EPHB2: variants seen among roughly 807,000 people sequenced by gnomAD.
EPHB2 encodes the protein ephrin type-B receptor 2.
A neutral mutation model predicts 96.4 loss-of-function variants in EPHB2; 18 were observed. The observed-to-expected ratio is 0.19, with a 90% CI of 0.13 to 0.28. EPHB2 has a LOEUF of 0.28. Among genes scored for constraint, EPHB2 ranks in the 10% least tolerant of loss-of-function variants. The pLI is 1.00. For missense variants in EPHB2, 989 were observed against 1,355.4 expected (o/e 0.73, Z 4.25); for synonymous variants, 506 against 534.1 (o/e 0.95, Z 0.72).
Position 22,732,305 on chromosome 1 carries a change from G to A in EPHB2, c.61+21262G>A, listed in dbSNP as rs190023720. On this transcript the variant is annotated intron_variant, in intron 1 of 15. Coordinates refer to ENST00000374630, the MANE Select transcript of EPHB2 (RefSeq NM_017449.5). ...AGGAGTGGGAGCCAAGAGCTGCGGG[G>A]GCCTGGGAAAGGTGAGGGGGCCAGA... Among the ~76,000 whole-genome samples, 900 of 151,940 alleles carry A rather than the reference G, an allele frequency of 5.9e-3. 3 individuals are homozygous for A. The highest frequency in any genetic ancestry group is 0.014 in the Middle Eastern group (4 of 294).
rs1311385343 is a variant in EPHB2, at chr1:22,917,567, A to G, written c.*3997A>G. On this transcript the variant is annotated 3_prime_UTR_variant, in exon 16 of 16. Transcript: ENST00000374630. ...CACTTCCCCTCACTGAGCCATCTGT[A>G]AAATGAGAGCATTGGACTGGGTGAG... The G allele has an allele frequency of 6.6e-6, 1 of 152,270 alleles. No individual in the cohort carries two copies. The highest frequency in any genetic ancestry group is 2.4e-5 in the African/African-American group (1 of 41,458). The allele number at this position is 152,270 out of a possible 1,614,324, so 9.4% of individuals were successfully genotyped here. A position where few individuals can be genotyped will look rare whatever the true frequency, so the allele number is the denominator to read the frequency against.
chr1:22,909,583 G>A (rs1427901127), intron 13 of EPHB2, among the ~76,000 whole-genome samples: 2 of 152,214 alleles, frequency 1.3e-5, no homozygotes, highest in Admixed American at 6.5e-5. Flanking sequence ...GGCACCGGCA[G>A]CATGGGCAAG....
At chr1:22,752,024 G>T (rs765641158) in intron 1 of EPHB2, among the ~76,000 whole-genome samples, 1 of 152,190 alleles carries the variant, frequency 6.6e-6, no homozygotes, top group Non-Finnish European at 1.5e-5. Context: ...CACTAGTTCC[G>T]TGTGGCCTTG....
intron 1 of EPHB2, among the ~76,000 whole-genome samples, chr1:22,731,580 C>T (rs1643713709): frequency 6.6e-6 from 1 of 152,192 alleles, no homozygotes; most frequent in Non-Finnish European, 1.5e-5. Context: ...TGGCTCATGC[C>T]TGTAATCCCA....
intron 6 of EPHB2, among the ~76,000 whole-genome samples, chr1:22,889,597 A>G (rs933172872): frequency 6.6e-6 from 1 of 152,212 alleles, no homozygotes; most frequent in African/African-American, 2.4e-5. Context: ...GGACAGGTAT[A>G]TTAGGACAAT....
intron 6 of EPHB2, among the ~76,000 whole-genome samples, chr1:22,886,028 C>T (rs999819422): frequency 1.3e-5 from 2 of 152,092 alleles, no homozygotes; most frequent in Non-Finnish European, 2.9e-5. Context: ...CTTCACAGTC[C>T]AGGGAGAAAG....
At chr1:22,882,332 A>AGCCC in intron 5 of EPHB2, 27 bp from the exon 6 acceptor site, 1 of 1,612,526 alleles carries the variant, frequency 6.2e-7, no homozygotes, top group Non-Finnish European at 8.5e-7. Flanking sequence ...TGCCTCCCTG[A>AGCCC]TCCCTGACCT....
At chr1:22,871,809 A>C (rs1483461438) in intron 5 of EPHB2, among the ~76,000 whole-genome samples, 1 of 152,076 alleles carries the variant, frequency 6.6e-6, no homozygotes, top group Non-Finnish European at 1.5e-5. Context: ...CGAGGTCAGG[A>C]GTTCGAGACC....
In EPHB2 at chr1:22,908,077, T is replaced by C; in HGVS notation, c.2261T>C (p.Val754Ala). The stretch of plus-strand genomic sequence containing the variant: ...GACCTGGCTGCCCGCAACATCCTCG[T>C]CAACAGCAACCTGGTCTGCAAGGTG... ...HRDLAARNIL[V>A]NSNLVCKVSD... Residue 754 changes from valine to alanine, a missense_variant, in exon 12 of 16, where the codon GTC (valine) becomes GCC (alanine). Physicochemically the swap from Val to Ala is moderately conservative, Grantham distance 64. Transcript: ENST00000374630. 1 of 1,614,214 alleles carries C rather than the reference T, an allele frequency of 6.2e-7. No homozygotes were observed. The highest frequency in any genetic ancestry group is 2.2e-5 in the East Asian group (1 of 44,884).
intron 3 of EPHB2, among the ~76,000 whole-genome samples, chr1:22,817,896 C>A (rs1465133563): frequency 6.6e-6 from 1 of 152,136 alleles, no homozygotes; most frequent in Non-Finnish European, 1.5e-5. Context: ...GGACTCCATC[C>A]CTGAGCTTCC....
chr1:22,725,096 G>A (rs1292811675), intron 1 of EPHB2, among the ~76,000 whole-genome samples: 2 of 152,082 alleles, frequency 1.3e-5, no homozygotes, highest in East Asian at 3.9e-4. Context: ...ATATTGCCTA[G>A]GTTATGCCAT....
rs369492939 is a variant in EPHB2 at position 22,745,741 on chromosome 1, C to T, written c.61+34698C>T. On this transcript the variant is annotated intron_variant, in intron 1 of 15. Transcript: ENST00000374630. ...ATGCAGCAGCCTAGCTCACGGTGGG[C>T]GCTTGGCAATGGGGGGCTTTGTTGA... Among the ~76,000 whole-genome samples, 11 of 152,016 alleles carry T rather than the reference C, an allele frequency of 7.2e-5. 1 individual carries two copies. The highest frequency in any genetic ancestry group is 1.9e-4 in the African/African-American group (8 of 41,462).
Position 22,781,430 on chromosome 1 carries a change from T to C in EPHB2, c.71T>C (p.Met24Thr). 1.2e-6 allele frequency: 2 copies of C among 1,613,856 alleles called. No homozygotes were observed. The highest frequency in any genetic ancestry group is 1.7e-4 in the Middle Eastern group (1 of 6,060). ...TTTGCTCTCCCCACAGAAACGCTAA[T>C]GGACTCCACTACAGCGACTGCTGAG... is the stretch of plus-strand genomic sequence containing the variant. ...PLLAAVEETL[M>T]DSTTATAELG... The change falls in exon 2 of 16, where the codon ATG (methionine) becomes ACG (threonine). Residue 24 changes from methionine to threonine, a missense_variant. Transcript: ENST00000374630.
At chr1:22,740,203 C>T (rs920985674) in intron 1 of EPHB2, among the ~76,000 whole-genome samples, 4 of 152,218 alleles carry the variant, frequency 2.6e-5, no homozygotes, top group African/African-American at 9.6e-5. Flanking sequence ...GTCCCCATCA[C>T]GTGGCATCAC....
chr1:22,828,820 TA>T (rs1245974492), intron 3 of EPHB2, among the ~76,000 whole-genome samples: 1 of 152,206 alleles, frequency 6.6e-6, no homozygotes, highest in Non-Finnish European at 1.5e-5. Context: ...TAGAATGTTG[TA>T]GGCATAAAAG....
chr1:22,848,154 C>T (rs977568958), intron 3 of EPHB2, among the ~76,000 whole-genome samples: 1 of 152,158 alleles, frequency 6.6e-6, no homozygotes, highest in Admixed American at 6.5e-5. Flanking sequence ...ATCTCAAATC[C>T]TCAGTGTCCA....
At chr1:22,833,982 G>A (rs1645344153) in intron 3 of EPHB2, among the ~76,000 whole-genome samples, 1 of 151,668 alleles carries the variant, frequency 6.6e-6, no homozygotes, top group Non-Finnish European at 1.5e-5. Flanking sequence ...GCATTATTAG[G>A]GACAAAGAAG....
chr1:22,780,921 A>C lies in EPHB2; in HGVS notation c.62-500A>C, dbSNP rs1056392286. 7.9e-5 allele frequency among the ~76,000 whole-genome samples: 12 copies of C among 152,048 alleles called. No homozygotes were observed. The South Asian group carries it at 1.7e-3, about 21-fold the overall frequency. ...GCTGTGGGGGTAGGCGGGATAATGG[A>C]GTAGAGAGGCGGAGTCTAAACCGAG... On this transcript the variant is annotated intron_variant, in intron 1 of 15. Coordinates refer to ENST00000374630, the MANE Select transcript of EPHB2 (RefSeq NM_017449.5).
chr1:22,725,505 C>T (rs1166334846), intron 1 of EPHB2, among the ~76,000 whole-genome samples: 1 of 152,050 alleles, frequency 6.6e-6, no homozygotes. Flanking sequence ...ATTTCTCCCC[C>T]CGAGACTCCC....
Sources: gnomAD v4.1 joint callset for allele counts (sites outside exome capture counted in the v4.1 genomes callset) on GRCh38, gnomAD v4.1.1 for gene constraint, MANE v1.5 for transcripts, NCBI Gene and HGNC (gene_info 2026-07-23, HGNC 2026-07-21) for gene names.